LCP1: variants seen among roughly 807,000 people sequenced by gnomAD.
LCP1 encodes the protein lymphocyte cytosolic protein 1.
Under a neutral mutation model 72.0 loss-of-function variants are expected in LCP1, and 23 were observed. The ratio of observed to expected loss-of-function variants is 0.32; its 90% CI spans 0.23 to 0.45. The LOEUF (loss-of-function observed/expected upper bound fraction) is 0.45. LCP1 is among the 20% of genes least tolerant of loss of function. The pLI is 1.00. For synonymous variants in LCP1, 245 were observed against 275.4 expected (o/e 0.89, Z 1.09); for missense variants, 571 against 748.3 (o/e 0.76, Z 2.76).
rs1566440678 is a variant in LCP1, at chr13:46,154,899, CAATTA to C, written c.492-18_492-14del. On this transcript the variant is annotated splice_polypyrimidine_tract_variant and intron_variant, in intron 5 of 15. Transcript: ENST00000323076. ...GTTGATCATTTTACTGAAAGAGAAA[CAATTA>C]AATTAAAGAAAGCAGTCTTCTGAAT... The C allele has an allele frequency of 1.9e-6, 3 of 1,605,750 alleles. No individual in the cohort carries two copies. Among genetic ancestry groups the C allele is most frequent in the Non-Finnish European group, 2.6e-6 (3 of 1,172,620 alleles).
intron 10 of LCP1, 103 bp from the exon 11 acceptor site, chr13:46,144,623 T>A (rs2045719075): frequency 1.3e-6 from 1 of 768,324 alleles, no homozygotes; most frequent in African/African-American, 1.7e-5. Context: ...GAAAGTAGAA[T>A]GAAAGAAAGA....
chr13:46,135,312 T>C (rs1199790555), intron 13 of LCP1, among the ~76,000 whole-genome samples: 1 of 152,042 alleles, frequency 6.6e-6, no homozygotes, highest in Non-Finnish European at 1.5e-5. Flanking sequence ...GGGCTAGAAT[T>C]ACAGTGTGTG....
intron 1 of LCP1, among the ~76,000 whole-genome samples, chr13:46,160,475 C>T (rs942839887): frequency 6.6e-6 from 1 of 152,158 alleles, no homozygotes; most frequent in Non-Finnish European, 1.5e-5. Context: ...CCAACAGATA[C>T]AGTTTATAAC....
intron 13 of LCP1, among the ~76,000 whole-genome samples, chr13:46,139,544 C>T (rs1303058359): frequency 2.0e-5 from 3 of 152,162 alleles, no homozygotes; most frequent in Admixed American, 6.5e-5. Context: ...TCTGGGGCTT[C>T]CTTCCAGGTA....
intron 8 of LCP1, 118 bp downstream of exon 8, chr13:46,150,818 C>T (rs1290202209): frequency 6.0e-6 from 7 of 1,174,540 alleles, no homozygotes; most frequent in Non-Finnish European, 8.4e-6. Flanking sequence ...CAAAACAGCA[C>T]CAGACTACCC....
At chr13:46,140,077 A>G (rs985982975) in intron 13 of LCP1, among the ~76,000 whole-genome samples, 2 of 152,226 alleles carry the variant, frequency 1.3e-5, no homozygotes, top group Non-Finnish European at 1.5e-5. Flanking sequence ...GAGAAAACCC[A>G]AACAGCTGGC....
At chr13:46,174,084 A>C (rs1417811846) in intron 1 of LCP1, among the ~76,000 whole-genome samples, 1 of 152,220 alleles carries the variant, frequency 6.6e-6, no homozygotes, top group Non-Finnish European at 1.5e-5. Flanking sequence ...TTGTAGTCTG[A>C]GCTGAAAAAC....
At chr13:46,144,589 A>C in intron 10 of LCP1, 69 bp from the exon 11 acceptor site, 4 of 1,015,752 alleles carry the variant, frequency 3.9e-6, no homozygotes, top group Non-Finnish European at 6.2e-6. Context: ...CCAAAGTTTA[A>C]CTAAAGAGGA....
At chr13:46,143,269 A>C (rs778171694) in intron 12 of LCP1, 21 bp downstream of exon 12, 1 of 1,557,212 alleles carries the variant, frequency 6.4e-7, no homozygotes, top group Non-Finnish European at 8.9e-7. Flanking sequence ...CTCCTGGAAC[A>C]ACAGAACCAT....
chr13:46,127,575 C>T lies in LCP1; in HGVS notation c.*16G>A. 1 of 1,613,970 alleles carries T rather than the reference C, an allele frequency of 6.2e-7. No homozygotes were observed. Among genetic ancestry groups the T allele is most frequent in the African/African-American group, 1.3e-5 (1 of 75,032 alleles). ...CAGGAGTGAGTGCACCGCCTCCCAC[C>T]CAGCCCCATTGGGCCTCACACCCTC... On this transcript the variant is annotated 3_prime_UTR_variant, in exon 16 of 16. Transcript: ENST00000323076.
intron 1 of LCP1, among the ~76,000 whole-genome samples, chr13:46,175,214 T>C (rs2045923346): frequency 6.6e-6 from 1 of 152,164 alleles, no homozygotes; most frequent in Admixed American, 6.5e-5. Context: ...TAGTAAATAT[T>C]AGGGGCTCAG....
At chr13:46,169,423 T>C (rs1173007925) in intron 1 of LCP1, 1 of 152,260 alleles carries the variant, frequency 6.6e-6, no homozygotes, top group East Asian at 1.9e-4. Context: ...CCCCTGCATT[T>C]GTCTCTATAC....
intron 14 of LCP1, among the ~76,000 whole-genome samples, chr13:46,131,644 T>C (rs7996667): frequency 0.014 from 2,122 of 152,212 alleles, 45 homozygotes; most frequent in African/African-American, 0.047. Context: ...GAAAATGTGG[T>C]ACATATACAC....
intron 1 of LCP1, among the ~76,000 whole-genome samples, chr13:46,162,318 C>A (rs1186972062): frequency 6.9e-6 from 1 of 144,850 alleles, no homozygotes; most frequent in Admixed American, 6.9e-5. Flanking sequence ...TCTCCCTCTC[C>A]CTCTCTTTCC....
intron 14 of LCP1, 82 bp downstream of exon 14, chr13:46,134,045 A>G: frequency 7.0e-7 from 1 of 1,434,914 alleles, no homozygotes; most frequent in Non-Finnish European, 9.6e-7. Flanking sequence ...CCTACCACTG[A>G]AGGTCACTTG....
chr13:46,138,892 C>T (rs1360701133), intron 13 of LCP1, among the ~76,000 whole-genome samples: 2 of 152,116 alleles, frequency 1.3e-5, no homozygotes, highest in African/African-American at 4.8e-5. Flanking sequence ...GGTGATCCAC[C>T]CGCCTCGGCC....
chr13:46,146,173 G>A (rs1410845154), intron 10 of LCP1, among the ~76,000 whole-genome samples: 1 of 152,148 alleles, frequency 6.6e-6, no homozygotes, highest in Non-Finnish European at 1.5e-5. Context: ...TGACACCAAT[G>A]CAGGAGTGTT....
Position 46,160,351 on chromosome 13 carries a change from C to T in LCP1, c.-24-665G>A, listed in dbSNP as rs572343702. 2.4e-4 allele frequency among the ~76,000 whole-genome samples: 36 copies of T among 152,328 alleles called. No homozygotes were observed. The South Asian group carries it at 7.5e-3, about 32-fold the overall frequency. On this transcript the variant is annotated intron_variant, in intron 1 of 15. Coordinates refer to ENST00000323076, the MANE Select transcript of LCP1 (RefSeq NM_002298.5). ...ACAAAACGAGTGATGTCTTAAGTCA[C>T]TACGTTTTAGAGTAGTTACCCAGCA...
chr13:46,151,123 G>A (rs775780621), intron 7 of LCP1, 45 bp from the exon 8 acceptor site: 1 of 1,571,412 alleles, frequency 6.4e-7, no homozygotes. Flanking sequence ...CAGCGATGTT[G>A]GGGGAGGGGG....
Sources: allele counts gnomAD v4.1 joint callset (sites outside exome capture counted in the v4.1 genomes callset), GRCh38; gene constraint gnomAD v4.1.1; transcripts MANE v1.5; gene names NCBI Gene and HGNC (gene_info 2026-07-23, HGNC 2026-07-21).